The following ITGA9 variants were observed in gnomAD, a reference collection of about 807,000 sequenced individuals.
The protein encoded by ITGA9 is integrin subunit alpha 9.
A neutral mutation model predicts 127.8 loss-of-function variants in ITGA9; 56 were observed. That is an observed-to-expected ratio of 0.44 (90% CI 0.35 to 0.55). The LOEUF is 0.55. Ranked by LOEUF, ITGA9 falls within the 20% of genes least tolerant of loss-of-function variation. The pLI, the probability that ITGA9 is intolerant of heterozygous loss-of-function variation, is 0.00. For missense variants in ITGA9, 1,196 were observed against 1,347.1 expected, an observed-to-expected ratio of 0.89 and a Z score of 1.76; for synonymous variants, 508 against 514.5, an observed-to-expected ratio of 0.99 and a Z score of 0.17.
At chr3:37,538,209 TG>T (rs1242553152) in intron 14 of ITGA9, among the ~76,000 whole-genome samples, 1 of 152,220 alleles carries the variant, frequency 6.6e-6, no homozygotes, top group African/African-American at 2.4e-5. Flanking sequence ...AAGGAGAATT[TG>T]TTAGAATTTC....
chr3:37,822,931 T>G lies in ITGA9; in HGVS notation c.*3942T>G, dbSNP rs1697531131. The G allele has an allele frequency of 6.6e-6, 1 of 152,226 alleles. No homozygotes were observed. The highest frequency in any genetic ancestry group is 1.5e-5 in the Non-Finnish European group (1 of 68,048). 9.4% of individuals were successfully genotyped at this position (152,226 alleles called of 1,614,324 possible). The stretch of plus-strand genomic sequence containing the variant: ...GGAAAGGATTGTCACTTGGAGCCTT[T>G]AGTAGACAAAAGGCAGAAAGTGAGC... On this transcript the variant is annotated 3_prime_UTR_variant, in exon 28 of 28. Transcript: ENST00000264741.
chr3:37,484,207 ATG>A (rs1698585977), intron 4 of ITGA9, among the ~76,000 whole-genome samples: 1 of 152,214 alleles, frequency 6.6e-6, no homozygotes, highest in Non-Finnish European at 1.5e-5. Context: ...TGGGGCTGGC[ATG>A]TGGAGTATTG....
In ITGA9 at chr3:37,792,586, AG is replaced by A. The variant is rs572985746; in HGVS notation, c.2889+7509del. On this transcript the variant is annotated intron_variant, in intron 26 of 27. Coordinates refer to ENST00000264741, the MANE Select transcript of ITGA9 (RefSeq NM_002207.3). ...ACCAGGTAGCAGGAAGCTGGTTAGC[AG>A]TGAAGAGAACCATGGTAGACCTAGG... Among the ~76,000 whole-genome samples, 202 of 152,332 alleles carry A rather than the reference AG, an allele frequency of 1.3e-3. 2 individuals are homozygous for A. The highest frequency in any genetic ancestry group is 4.6e-3 in the African/African-American group (192 of 41,588).
chr3:37,734,767 C>T (rs1055562040), intron 19 of ITGA9, among the ~76,000 whole-genome samples: 5 of 152,228 alleles, frequency 3.3e-5, no homozygotes, highest in South Asian at 2.1e-4. Flanking sequence ...GCTGGGATTA[C>T]AGGCGTGAGC....
intron 25 of ITGA9, among the ~76,000 whole-genome samples, chr3:37,781,490 A>G (rs907995623): frequency 2.0e-5 from 3 of 152,210 alleles, no homozygotes; most frequent in South Asian, 4.1e-4. Context: ...TTTGAACCTC[A>G]GGTCACTTTG....
intron 18 of ITGA9, among the ~76,000 whole-genome samples, chr3:37,729,239 C>T (rs1182092221): frequency 6.6e-6 from 1 of 152,092 alleles, no homozygotes; most frequent in Non-Finnish European, 1.5e-5. Flanking sequence ...AACATTTGGT[C>T]AGGGCAGTTG....
At chr3:37,470,925 C>A in intron 1 of ITGA9, 82 bp from the exon 2 acceptor site, 1 of 1,453,156 alleles carries the variant, frequency 6.9e-7, no homozygotes, top group Non-Finnish European at 9.7e-7. Flanking sequence ...AGAGCCCACC[C>A]GTGGTTGGGT....
At chr3:37,518,026 G>A (rs155523) in intron 10 of ITGA9, among the ~76,000 whole-genome samples, 63,379 of 151,794 alleles carry the variant, frequency 0.42, 14,142 homozygotes, top group East Asian at 0.72. Context: ...AGTGAGGAGA[G>A]AATTAGAAAC....
chr3:37,615,668 T>G (rs1006920796), intron 15 of ITGA9, among the ~76,000 whole-genome samples: 2 of 152,222 alleles, frequency 1.3e-5, no homozygotes, highest in African/African-American at 4.8e-5. Flanking sequence ...TATTCAGAGA[T>G]TCAACTTCTT....
intron 4 of ITGA9, among the ~76,000 whole-genome samples, chr3:37,488,432 G>A (rs887762577): frequency 6.6e-6 from 1 of 152,068 alleles, no homozygotes; most frequent in African/African-American, 2.4e-5. Flanking sequence ...TAGGGAGTTG[G>A]CAAAATGGGT....
At chr3:37,632,621 A>G (rs1026576083) in intron 16 of ITGA9, among the ~76,000 whole-genome samples, 6 of 152,214 alleles carry the variant, frequency 3.9e-5, no homozygotes, top group African/African-American at 1.4e-4. Context: ...TTACAATCAC[A>G]ATAAACCAAA....
intron 15 of ITGA9, among the ~76,000 whole-genome samples, chr3:37,592,875 A>G (rs1014084076): frequency 1.3e-5 from 2 of 152,238 alleles, no homozygotes; most frequent in Non-Finnish European, 2.9e-5. Context: ...GAGAAACAGT[A>G]GTGAATGAAC....
At chr3:37,553,768 G>A (rs529216777) in intron 15 of ITGA9, among the ~76,000 whole-genome samples, 3 of 152,292 alleles carry the variant, frequency 2.0e-5, no homozygotes, top group South Asian at 2.1e-4. Context: ...AGCGCTTTGA[G>A]TACCATGGTG....
At chr3:37,467,177 C>T (rs917299092) in intron 1 of ITGA9, among the ~76,000 whole-genome samples, 3 of 152,266 alleles carry the variant, frequency 2.0e-5, no homozygotes, top group Non-Finnish European at 2.9e-5. Flanking sequence ...CACATTCCCG[C>T]GTGCCACCTC....
rs186197372 is a variant in ITGA9 at position 37,597,826 on chromosome 3, G to T, written c.1690-31361G>T. On this transcript the variant is annotated intron_variant, in intron 15 of 27. Transcript: ENST00000264741. The surrounding 1 kb of genome is among the most constrained non-coding windows in gnomAD (Gnocchi z 4.6). ...GGGCAGGGCTTGTTCATATAGCTAGGGGTCAGCTAGCTGTTGGTTATCTAG... is the reference window on the plus strand; with the variant it reads ...GGGCAGGGCTTGTTCATATAGCTAGTGGTCAGCTAGCTGTTGGTTATCTAG... Among the ~76,000 whole-genome samples, 2 of 152,296 alleles carry T rather than the reference G, an allele frequency of 1.3e-5. No individual in the cohort carries two copies. The highest frequency in any genetic ancestry group is 4.8e-5 in the African/African-American group (2 of 41,566).
chr3:37,519,986 T>C (rs1056471817), intron 11 of ITGA9, among the ~76,000 whole-genome samples: 1 of 152,376 alleles, frequency 6.6e-6, no homozygotes, highest in African/African-American at 2.4e-5. Flanking sequence ...GCACTGGCTC[T>C]GGTCTTTCTC....
intron 18 of ITGA9, among the ~76,000 whole-genome samples, chr3:37,704,580 T>G (rs546020899): frequency 1.3e-5 from 2 of 152,252 alleles, no homozygotes; most frequent in African/African-American, 4.8e-5. Context: ...GGGCTTGGGC[T>G]GTCTGCACAC....
intron 27 of ITGA9, among the ~76,000 whole-genome samples, chr3:37,811,443 G>A (rs760556553): frequency 6.6e-6 from 1 of 152,144 alleles, no homozygotes; most frequent in African/African-American, 2.4e-5. Context: ...GCTTATATAA[G>A]CCAGCCTGGT....
At chr3:37,497,277 A>T (rs1579065390) in intron 5 of ITGA9, among the ~76,000 whole-genome samples, 1 of 149,454 alleles carries the variant, frequency 6.7e-6, no homozygotes, top group Non-Finnish European at 1.5e-5. Flanking sequence ...TTTGCCTATG[A>T]TGTCTTTATC....
Sources: gnomAD v4.1 joint callset for allele counts (sites outside exome capture counted in the v4.1 genomes callset) on GRCh38, gnomAD v4.1.1 for gene constraint, Gnocchi (gnomAD v3.1) non-coding constraint, MANE v1.5 for transcripts, NCBI Gene and HGNC (gene_info 2026-07-23, HGNC 2026-07-21) for gene names.